TTC39A: variants seen among roughly 807,000 people sequenced by gnomAD.
The protein encoded by TTC39A is tetratricopeptide repeat protein 39A.
Under a neutral mutation model 82.3 loss-of-function variants are expected in TTC39A, and 46 were observed. The observed-to-expected ratio is 0.56, with a 90% CI of 0.44 to 0.71. The LOEUF (loss-of-function observed/expected upper bound fraction) is 0.71. Among genes scored for constraint, TTC39A ranks in the 30% least tolerant of loss-of-function variants. The pLI is 0.00. For synonymous variants in TTC39A, 254 were observed against 275.2 expected (o/e 0.92, Z 0.76); for missense variants, 543 against 712.9 (o/e 0.76, Z 2.71).
rs1005762762 is a variant in TTC39A, at chr1:51,288,684, G to A, written c.1610+155C>T. Among the ~76,000 whole-genome samples, 1 of 152,210 alleles carries A rather than the reference G, an allele frequency of 6.6e-6. No individual in the cohort carries two copies. Among genetic ancestry groups the A allele is most frequent in the African/African-American group, 2.4e-5 (1 of 41,452 alleles). ...AGAAGTCTTCCTATGACAGGCGAGAGCTGGATTCCGAGGGACACAGGTCCA... is the reference window on the plus strand; with the variant it reads ...AGAAGTCTTCCTATGACAGGCGAGAACTGGATTCCGAGGGACACAGGTCCA... On this transcript the variant is annotated intron_variant, in intron 17 of 17. Coordinates refer to ENST00000680483, the MANE Select transcript of TTC39A (RefSeq NM_001297663.2). The surrounding 1 kb of genome is among the most constrained non-coding windows in gnomAD (Gnocchi z 4.8).
intron 12 of TTC39A, chr1:51,298,096 C>G (rs912931777): frequency 6.6e-6 from 1 of 152,548 alleles, no homozygotes; most frequent in Non-Finnish European, 1.5e-5. Context: ...CATCCAGCCT[C>G]GCTTGTTCTT....
At position 51,330,288 on chromosome 1, in the gene TTC39A, G is replaced by T; in HGVS notation, c.41+149C>A. On this transcript the variant is annotated intron_variant, in intron 1 of 17. Coordinates refer to ENST00000680483, the MANE Select transcript of TTC39A (RefSeq NM_001297663.2). The surrounding 1 kb of genome is among the most constrained non-coding windows in gnomAD (Gnocchi z 4.5). ...TGCCCCCACTCCTGGCAGCGGCGGC[G>T]GCTGCCAGGGGCCGGGCGGGGTGGG... 2.1e-6 allele frequency: 2 copies of T among 933,852 alleles called. No homozygotes were observed. The highest frequency in any genetic ancestry group is 2.6e-6 in the Non-Finnish European group (2 of 783,504). 57.8% of individuals were successfully genotyped at this position (933,852 alleles called of 1,614,324 possible).
chr1:51,331,969 G>A (rs1645917661), upstream of TTC39A: 1 of 284,500 alleles, frequency 3.5e-6, no homozygotes, highest in Non-Finnish European at 5.3e-6. Flanking sequence ...GGTGAGGCTG[G>A]TGAGACCACA....
chr1:51,313,927 A>G (rs1645187345), intron 2 of TTC39A, among the ~76,000 whole-genome samples: 1 of 152,216 alleles, frequency 6.6e-6, no homozygotes. Flanking sequence ...CTCCCAGACC[A>G]CTGGGAATCC....
intron 5 of TTC39A, among the ~76,000 whole-genome samples, chr1:51,310,318 G>A (rs938221539): frequency 6.6e-6 from 1 of 152,184 alleles, no homozygotes; most frequent in Admixed American, 6.5e-5. Context: ...TACATGGACA[G>A]GGTGAGGAGG....
chr1:51,309,295 C>G lies in TTC39A; in HGVS notation c.454G>C (p.Gly152Arg), dbSNP rs778354315. Residue 152 changes from glycine to arginine, a missense_variant, in exon 6 of 18, where the codon GGC becomes CGC. Transcript: ENST00000680483. Reference protein sequence around the residue: ...DENMVSFIKGGIKVRNSYQTY... With the variant: ...DENMVSFIKGRIKVRNSYQTY... ...TGGTAGCTGTTTCGAACTTTGATGC[C>G]GCCTTTGATGAAGCTCACCATGTTC... is the stretch of plus-strand genomic sequence containing the variant. The G allele has an allele frequency of 4.3e-6, 7 of 1,612,562 alleles. No homozygotes were observed. The highest frequency in any genetic ancestry group is 3.4e-6 in the Non-Finnish European group (4 of 1,179,350).
chr1:51,337,455 C>T (rs1000135695), intron 1 of TTC39A, among the ~76,000 whole-genome samples: 37 of 138,696 alleles, frequency 2.7e-4, no homozygotes, highest in Non-Finnish European at 2.6e-4. Flanking sequence ...GAGATGGAGT[C>T]TCACTCTGTC....
At chr1:51,332,364 G>C (rs566360839), upstream of TTC39A, among the ~76,000 whole-genome samples, 16 of 152,322 alleles carry the variant, frequency 1.1e-4, 1 homozygote, top group South Asian at 2.9e-3. Flanking sequence ...GGGTTCAAGT[G>C]ATTCTCATCC....
intron 1 of TTC39A, among the ~76,000 whole-genome samples, chr1:51,343,807 A>G (rs6673415): frequency 0.03 from 4,581 of 152,176 alleles, 75 homozygotes; most frequent in African/African-American, 0.05. Flanking sequence ...TTATATAGAG[A>G]TAGGGTCTTG....
At position 51,330,470 on chromosome 1, in the gene TTC39A, GAGGTCA is replaced by G. The variant is rs1645872853; in HGVS notation, c.2_7del (p.MetThrSer1_?3). 4 of 983,522 alleles carry G rather than the reference GAGGTCA, an allele frequency of 4.1e-6. No homozygotes were observed. Among genetic ancestry groups the G allele is most frequent in the Non-Finnish European group, 4.8e-6 (4 of 830,138 alleles). The allele number at this position is 983,522 out of a possible 1,614,324, so 60.9% of individuals were successfully genotyped here. ...CAGGGCTCCTGGGGCGCCGCCAGCC[GAGGTCA>G]TCGCCGAGGGGCGCGGGCGGCGCTG... On this transcript the variant is annotated start_lost and inframe_deletion, in exon 1 of 18. Coordinates refer to ENST00000680483, the MANE Select transcript of TTC39A (RefSeq NM_001297663.2). The surrounding 1 kb of genome is among the most constrained non-coding windows in gnomAD (Gnocchi z 4.5).
intron 12 of TTC39A, 179 bp downstream of exon 12, chr1:51,301,393 G>A (rs1569830665): frequency 4.3e-6 from 3 of 699,174 alleles, no homozygotes; most frequent in Non-Finnish European, 6.7e-6. Flanking sequence ...GACACATTGT[G>A]GTTCAGAAGT....
At chr1:51,313,004 T>C in intron 2 of TTC39A, 61 bp from the exon 3 acceptor site, 1 of 1,575,062 alleles carries the variant, frequency 6.3e-7, no homozygotes, top group Non-Finnish European at 8.6e-7. Context: ...CAGCTGGTCC[T>C]GGGCAGCTCA....
upstream of TTC39A, chr1:51,334,894 C>T (rs753632891): frequency 2.6e-5 from 4 of 152,252 alleles, no homozygotes; most frequent in Non-Finnish European, 4.4e-5. Flanking sequence ...TCAGGAGGGC[C>T]CCACCCAGGC....
In TTC39A at chr1:51,294,030, G is replaced by A. The variant is rs1490466110; in HGVS notation, c.1266+361C>T. Among the ~76,000 whole-genome samples the A allele has an allele frequency of 2.0e-5, 3 of 152,244 alleles. No homozygotes were observed. Among genetic ancestry groups the A allele is most frequent in the African/African-American group, 4.8e-5 (2 of 41,460 alleles). The stretch of plus-strand genomic sequence containing the variant: ...TGAATATAACGTGAAAAGGTTGGCC[G>A]AGTGAGGGGGACCGTGAAAACAATT... On this transcript the variant is annotated intron_variant, in intron 14 of 17. Transcript: ENST00000680483. This position sits in a 1 kb window ranked among gnomAD's most constrained non-coding sequence, Gnocchi z 4.3.
intron 12 of TTC39A, chr1:51,297,325 T>C (rs1219507188): frequency 6.5e-6 from 1 of 153,416 alleles, no homozygotes; most frequent in Non-Finnish European, 1.4e-5. Context: ...CAAGCGATTC[T>C]TGTTGCCTCA....
At position 51,321,933 on chromosome 1, in the gene TTC39A, G is replaced by A; in HGVS notation, c.42-108C>T. On this transcript the variant is annotated intron_variant, in intron 1 of 17. Coordinates refer to ENST00000680483, the MANE Select transcript of TTC39A (RefSeq NM_001297663.2). The surrounding 1 kb of genome is among the most constrained non-coding windows in gnomAD (Gnocchi z 4.6). ...TACTCAGCCTCCCTGGCCAGCCTTG[G>A]GTGCCTGTCACGAGCTCCTCCAGGC... 7.4e-7 allele frequency: 1 copy of A among 1,347,994 alleles called. No homozygotes were observed. Among genetic ancestry groups the A allele is most frequent in the Non-Finnish European group, 1.0e-6 (1 of 972,492 alleles). The allele number at this position is 1,347,994 out of a possible 1,614,324, so 83.5% of individuals were successfully genotyped here. A position where few individuals can be genotyped will look rare whatever the true frequency, so the allele number is the denominator to read the frequency against.
Position 51,288,974 on chromosome 1 carries a change from G to A in TTC39A, c.1494-19C>T. On this transcript the variant is annotated intron_variant, in intron 16 of 17. Transcript: ENST00000680483. The surrounding 1 kb of genome is among the most constrained non-coding windows in gnomAD (Gnocchi z 4.8). ...CTTTTCACTGCAGAACAGAGGACAT[G>A]GCTCAGGTTCCTCCTCCTGAGCCTC... The A allele has an allele frequency of 6.4e-7, 1 of 1,569,830 alleles. No individual in the cohort carries two copies. Among genetic ancestry groups the A allele is most frequent in the South Asian group, 1.2e-5 (1 of 85,624 alleles).
At chr1:51,318,940 G>C (rs915885947) in intron 2 of TTC39A, among the ~76,000 whole-genome samples, 6 of 152,134 alleles carry the variant, frequency 3.9e-5, no homozygotes, top group Admixed American at 2.6e-4. Flanking sequence ...GGGATGGTTG[G>C]GTTTTTGAAG....
At chr1:51,340,474 G>C (rs910859350) in intron 1 of TTC39A, among the ~76,000 whole-genome samples, 1 of 152,150 alleles carries the variant, frequency 6.6e-6, no homozygotes, top group African/African-American at 2.4e-5. Context: ...CAGCTTTAAG[G>C]CCTGCTCAGT....
Sources: gnomAD v4.1 joint callset for allele counts (sites outside exome capture counted in the v4.1 genomes callset) on GRCh38, gnomAD v4.1.1 for gene constraint, Gnocchi (gnomAD v3.1) non-coding constraint, MANE v1.5 for transcripts, NCBI Gene and HGNC (gene_info 2026-07-23, HGNC 2026-07-21) for gene names.